Variants in OR2L13 observed in about 807,000 individuals in gnomAD.
OR2L13 encodes olfactory receptor 2L13.
In OR2L13, 14 loss-of-function variants were observed where a neutral mutation model predicts 15.3. The observed-to-expected ratio is 0.91, with a 90% CI of 0.60 to 1.43. The LOEUF is 1.43. Among genes scored for constraint, OR2L13 ranks in the 40% most tolerant of loss-of-function variants. OR2L13 has a pLI of 0.00. For missense variants in OR2L13, 367 were observed against 387.9 expected (o/e 0.95, Z 0.45); for synonymous variants, 152 against 142.9 (o/e 1.06, Z -0.45).
At chr1:248,007,652 CA>C in the OR2L13 span, among the ~76,000 whole-genome samples, 2 of 152,184 alleles carry the variant, frequency 1.3e-5, no homozygotes, top group Admixed American at 1.3e-4. Context: ...TCGTTTTAGC[CA>C]TTTTTCTTTC....
At chr1:248,003,143 A>G in the OR2L13 span, 1 of 1,354,436 alleles carries the variant, frequency 7.4e-7, no homozygotes, top group Non-Finnish European at 1.1e-6. Flanking sequence ...GGAAAATTGC[A>G]ATCAAACATC....
At chr1:247,966,310 A>G in the OR2L13 span, 1 of 1,613,288 alleles carries the variant, frequency 6.2e-7, no homozygotes, top group East Asian at 2.2e-5. Context: ...GATATGCTGT[A>G]GAAAATATGA....
At chr1:248,065,655 G>A in the OR2L13 span, among the ~76,000 whole-genome samples, 5 of 144,838 alleles carry the variant, frequency 3.5e-5, no homozygotes, top group Non-Finnish European at 6.0e-5. Flanking sequence ...TCATTGTTCA[G>A]TTCCCACCTA....
At chr1:247,956,470 A>T in the OR2L13 span, among the ~76,000 whole-genome samples, 4 of 150,994 alleles carry the variant, frequency 2.6e-5, no homozygotes, top group African/African-American at 7.3e-5. Context: ...GTTTTTTCCA[A>T]TTCTGTGAAG....
the OR2L13 span, among the ~76,000 whole-genome samples, chr1:248,008,252 CT>C: frequency 6.6e-6 from 1 of 152,098 alleles, no homozygotes; most frequent in Non-Finnish European, 1.5e-5. Flanking sequence ...CATATACCTC[CT>C]AGTGACACCC....
the OR2L13 span, among the ~76,000 whole-genome samples, chr1:248,067,675 G>A: frequency 2.6e-5 from 4 of 152,242 alleles, no homozygotes; most frequent in Non-Finnish European, 5.9e-5. Context: ...CCGTGTGCGA[G>A]CCGAAGCAGG....
the OR2L13 span, among the ~76,000 whole-genome samples, chr1:247,955,931 G>C: frequency 6.6e-6 from 1 of 150,664 alleles, no homozygotes; most frequent in African/African-American, 2.4e-5. Flanking sequence ...TTGCTGTGCA[G>C]AAGCTCTTTA....
the OR2L13 span, chr1:247,949,310 C>A: frequency 5.6e-6 from 9 of 1,614,148 alleles, no homozygotes; most frequent in South Asian, 7.7e-5. Context: ...GGATCATAGG[C>A]TCGATCAATG....
the OR2L13 span, among the ~76,000 whole-genome samples, chr1:248,006,022 C>G: frequency 1.3e-5 from 2 of 152,112 alleles, no homozygotes; most frequent in African/African-American, 4.8e-5. Context: ...ACGTCATATT[C>G]CATGAATACA....
At chr1:247,949,392 G>A in the OR2L13 span, 2 of 1,614,010 alleles carry the variant, frequency 1.2e-6, no homozygotes, top group Admixed American at 1.7e-5. Context: ...TTTCTTCTGT[G>A]ATGTCCCAGC....
At chr1:248,078,905 A>T in the OR2L13 span, among the ~76,000 whole-genome samples, 1 of 152,212 alleles carries the variant, frequency 6.6e-6, no homozygotes, top group African/African-American at 2.4e-5. Flanking sequence ...TTTTATATCT[A>T]TATCTGTATC....
chr1:247,947,396 C>T, the OR2L13 span, among the ~76,000 whole-genome samples: 1 of 152,182 alleles, frequency 6.6e-6, no homozygotes, highest in African/African-American at 2.4e-5. Context: ...TTCTGGTGAT[C>T]TTTGGCTCTA....
the OR2L13 span, chr1:247,990,472 A>G: frequency 1.3e-6 from 2 of 1,578,636 alleles, no homozygotes; most frequent in Non-Finnish European, 1.7e-6. Flanking sequence ...TCCCTCATTG[A>G]CCTAAATTAT....
the OR2L13 span, among the ~76,000 whole-genome samples, chr1:248,080,065 C>T: frequency 1.3e-5 from 2 of 151,914 alleles, no homozygotes; most frequent in South Asian, 2.1e-4. Flanking sequence ...GTGAAGGTAT[C>T]GACTTGGAAG....
At chr1:247,984,229 C>CATTATTATTATTATT in the OR2L13 span, among the ~76,000 whole-genome samples, 940 of 148,496 alleles carry the variant, frequency 6.3e-3, 11 homozygotes, top group African/African-American at 0.022. Flanking sequence ...GAAAATAAGT[C>CATTATTATTATTATT]ATTATTATTA....
the OR2L13 span, among the ~76,000 whole-genome samples, chr1:248,089,895 C>A: frequency 1.3e-3 from 196 of 152,274 alleles, no homozygotes; most frequent in Non-Finnish European, 2.1e-3. Context: ...CTTCCTTAAC[C>A]AATCACAAAT....
chr1:248,067,672 C>T, the OR2L13 span, among the ~76,000 whole-genome samples: 2 of 152,186 alleles, frequency 1.3e-5, no homozygotes, highest in East Asian at 1.9e-4. Context: ...GCACCGTGTG[C>T]GAGCCGAAGC....
the OR2L13 span, among the ~76,000 whole-genome samples, chr1:247,988,103 T>A: frequency 1.3e-5 from 2 of 152,208 alleles, no homozygotes; most frequent in Middle Eastern, 6.8e-3. Context: ...AACATGCCAT[T>A]TGAGTATGGT....
chr1:247,996,714 C>A, the OR2L13 span, among the ~76,000 whole-genome samples: 17 of 152,176 alleles, frequency 1.1e-4, no homozygotes, highest in South Asian at 3.5e-3. Context: ...TCTGTCTTCC[C>A]ACATCAAATA....
Sources: allele counts gnomAD v4.1 joint callset (sites outside exome capture counted in the v4.1 genomes callset), GRCh38; gene constraint gnomAD v4.1.1; transcripts MANE v1.5; gene names NCBI Gene and HGNC (gene_info 2026-07-23, HGNC 2026-07-21).